The following SNRPN variants were observed in gnomAD, a reference collection of about 807,000 sequenced individuals.
SNRPN encodes small nuclear ribonucleoprotein polypeptide N.
Under a neutral mutation model 25.2 loss-of-function variants are expected in SNRPN, and 7 were observed. That is an observed-to-expected ratio of 0.28 (90% CI 0.16 to 0.52). The LOEUF (loss-of-function observed/expected upper bound fraction) is 0.52, where lower values mean the gene tolerates loss of function less well. Ranked by LOEUF, SNRPN falls within the 20% of genes least tolerant of loss-of-function variation. The pLI is 0.96. For missense variants in SNRPN, 196 were observed against 322.5 expected (o/e 0.61, Z 3.00); for synonymous variants, 124 against 110.6 (o/e 1.12, Z -0.76).
At chr15:24,834,728 C>CCTCTCCCTCTCTCTCTCTCA (rs1555376611) in intron 2 of SNRPN, among the ~76,000 whole-genome samples, 1 of 42,774 alleles carries the variant, frequency 2.3e-5, no homozygotes, top group East Asian at 9.4e-4. Context: ...TCTCTCTCTC[C>CCTCTCCCTCTCTCTCTCTCA]CTCTCTCTCT....
intron 2 of SNRPN, among the ~76,000 whole-genome samples, chr15:24,965,877 T>C (rs1394039657): frequency 6.6e-6 from 1 of 152,202 alleles, no homozygotes; most frequent in Non-Finnish European, 1.5e-5. Flanking sequence ...ATATATTTTT[T>C]TTTACTGAAA....
At chr15:24,882,223 T>G (rs1028496754) in intron 1 of SNRPN, among the ~76,000 whole-genome samples, 1 of 145,222 alleles carries the variant, frequency 6.9e-6, no homozygotes, top group Non-Finnish European at 1.5e-5. Flanking sequence ...CTTTCATTTT[T>G]GCTACAAAGC....
At position 24,846,791 on chromosome 15, in the gene SNRPN, A is replaced by G. The variant is rs191190873; in HGVS notation, c.-579+16886A>G. Among the ~76,000 whole-genome samples, 175 of 152,286 alleles carry G rather than the reference A, an allele frequency of 1.1e-3. 1 individual carries two copies. The highest frequency in any genetic ancestry group is 3.7e-3 in the African/African-American group (152 of 41,566). ...TTTTAAGAAATTTTGTTCTGTGTCA[A>G]TAAGTTAGGATTTTTATAGTTTTCT... is the stretch of plus-strand genomic sequence containing the variant. On this transcript the variant is annotated intron_variant, in intron 2 of 12. Coordinates refer to the SNRPN transcript ENST00000400100.
At chr15:24,882,316 G>T (rs2056769483) in intron 1 of SNRPN, among the ~76,000 whole-genome samples, 1 of 151,830 alleles carries the variant, frequency 6.6e-6, no homozygotes, top group South Asian at 2.1e-4. Flanking sequence ...CATAAAATTT[G>T]GCTAAAAGGG....
At chr15:24,962,483 A>G (rs941641202) in intron 2 of SNRPN, among the ~76,000 whole-genome samples, 1 of 152,196 alleles carries the variant, frequency 6.6e-6, no homozygotes, top group Non-Finnish European at 1.5e-5. Context: ...CAACATAAGC[A>G]TACTTAAATT....
At chr15:24,975,832 C>T (rs905544361) in intron 5 of SNRPN, among the ~76,000 whole-genome samples, 3 of 152,104 alleles carry the variant, frequency 2.0e-5, no homozygotes, top group African/African-American at 7.2e-5. Flanking sequence ...TAGACCAAAT[C>T]TTGGTTGAAA....
At chr15:24,958,231 T>A (rs1437314488) in intron 1 of SNRPN, among the ~76,000 whole-genome samples, 1 of 152,198 alleles carries the variant, frequency 6.6e-6, no homozygotes, top group Non-Finnish European at 1.5e-5. Flanking sequence ...TTATAAGGTG[T>A]CAAGGATGCC....
At chr15:24,893,067 G>T (rs1177401730) in intron 2 of SNRPN, among the ~76,000 whole-genome samples, 1 of 152,016 alleles carries the variant, frequency 6.6e-6, no homozygotes, top group Non-Finnish European at 1.5e-5. Flanking sequence ...AAATTAGCTG[G>T]GCATGGAGGT....
intron 2 of SNRPN, among the ~76,000 whole-genome samples, chr15:24,907,730 G>T (rs1042834599): frequency 6.6e-6 from 1 of 151,258 alleles, no homozygotes; most frequent in Non-Finnish European, 1.5e-5. Flanking sequence ...ATAGGCATAA[G>T]CCACCACGCC....
chr15:24,871,895 C>T lies in SNRPN; in HGVS notation c.-578-14621C>T, dbSNP rs1054495642. Among the ~76,000 whole-genome samples the T allele has an allele frequency of 2.5e-5, 3 of 117,734 alleles. 1 individual carries two copies. The highest frequency in any genetic ancestry group is 3.0e-4 in the East Asian group (1 of 3,320). 77.2% of individuals were successfully genotyped at this position (117,734 alleles called of 152,430 possible). On this transcript the variant is annotated intron_variant, in intron 1 of 11. Coordinates refer to the SNRPN transcript ENST00000400097. Reference sequence around the variant, plus strand: ...AATTTTTTTGTACTTTTAGCAGAGACGGGGTTTCACCATGTTAGCCAGGAT... The same window carrying T: ...AATTTTTTTGTACTTTTAGCAGAGATGGGGTTTCACCATGTTAGCCAGGAT...
At chr15:24,907,245 G>A (rs1461040341) in intron 2 of SNRPN, among the ~76,000 whole-genome samples, 1 of 152,144 alleles carries the variant, frequency 6.6e-6, no homozygotes, top group East Asian at 1.9e-4. Flanking sequence ...GGACTTCCAG[G>A]CCAAGTATCC....
rs544053302 is a variant in SNRPN at position 24,922,987 on chromosome 15, C to G, written c.-391+2863C>G. 2.8e-3 allele frequency among the ~76,000 whole-genome samples: 396 copies of G among 139,496 alleles called. 1 individual carries two copies. The highest frequency in any genetic ancestry group is 5.0e-3 in the Non-Finnish European group (331 of 65,922). 91.5% of individuals were successfully genotyped at this position (139,496 alleles called of 152,430 possible). ...GTGGCGCAATCTCAGCTCACTGCAACCTCCGCCTTCTGCATTGAAGCGATT... is the reference window on the plus strand; with the variant it reads ...GTGGCGCAATCTCAGCTCACTGCAAGCTCCGCCTTCTGCATTGAAGCGATT... On this transcript the variant is annotated intron_variant, in intron 3 of 11. Transcript: ENST00000400097.
intron 2 of SNRPN, among the ~76,000 whole-genome samples, chr15:24,965,779 TCA>T (rs1354409683): frequency 6.6e-6 from 1 of 152,202 alleles, no homozygotes; most frequent in Non-Finnish European, 1.5e-5. Context: ...CCTCATTTTC[TCA>T]GTCTTTAATC....
Position 24,884,052 on chromosome 15 carries a change from C to T in SNRPN, c.-578-2464C>T, listed in dbSNP as rs535837680. ...TAGGGCTGGGCATGGTGGCTCACGC[C>T]TGTAATCCCAGCATTTTGGGAGGCT... On this transcript the variant is annotated intron_variant, in intron 1 of 11. Transcript: ENST00000400097. Among the ~76,000 whole-genome samples the T allele has an allele frequency of 6.7e-4, 99 of 148,270 alleles. 1 individual carries two copies. Among genetic ancestry groups the T allele is most frequent in the Middle Eastern group, 3.5e-3 (1 of 282 alleles).
At chr15:24,961,623 TAAAG>T (rs1406673256) in intron 1 of SNRPN, among the ~76,000 whole-genome samples, 9 of 152,130 alleles carry the variant, frequency 5.9e-5, no homozygotes, top group Non-Finnish European at 1.3e-4. Context: ...TTGCAAATCC[TAAAG>T]AAAGCACCAT....
At chr15:24,903,858 C>A (rs909982747) in intron 2 of SNRPN, among the ~76,000 whole-genome samples, 1 of 152,056 alleles carries the variant, frequency 6.6e-6, no homozygotes, top group South Asian at 2.1e-4. Context: ...TGTGGATAAA[C>A]CCCATCTCTA....
intron 3 of SNRPN, among the ~76,000 whole-genome samples, chr15:24,948,227 C>T (rs1309405239): frequency 1.3e-5 from 2 of 152,114 alleles, no homozygotes; most frequent in African/African-American, 4.8e-5. Context: ...GATTCTCCTG[C>T]CTCAGCCTCC....
intron 2 of SNRPN, among the ~76,000 whole-genome samples, chr15:24,901,355 T>C (rs2058440712): frequency 6.6e-6 from 1 of 152,154 alleles, no homozygotes; most frequent in African/African-American, 2.4e-5. Flanking sequence ...TAGAATGAAA[T>C]AGATGAGAAG....
At chr15:24,945,506 G>A (rs576864880) in intron 3 of SNRPN, among the ~76,000 whole-genome samples, 8 of 152,004 alleles carry the variant, frequency 5.3e-5, no homozygotes, top group South Asian at 2.1e-4. Flanking sequence ...ACCTGTGATC[G>A]TGCCACTGCA....
Sources: allele counts gnomAD v4.1 joint callset (sites outside exome capture counted in the v4.1 genomes callset), GRCh38; gene constraint gnomAD v4.1.1; transcripts MANE v1.5; gene names NCBI Gene and HGNC (gene_info 2026-07-23, HGNC 2026-07-21).